Variants in TTC34 observed in about 807,000 individuals in gnomAD.
TTC34 encodes tetratricopeptide repeat protein 34.
Under a neutral mutation model 40.7 loss-of-function variants are expected in TTC34, and 44 were observed. The ratio of observed to expected loss-of-function variants is 1.08; its 90% confidence interval spans 0.85 to 1.39. The LOEUF is 1.39. Ranked by LOEUF, TTC34 falls within the 40% of genes most tolerant of loss-of-function variation. The probability of loss-of-function intolerance (pLI) is 0.00; values close to 1 mark genes in which losing one functional copy is unlikely to be tolerated. For missense variants in TTC34, 884 were observed against 838.0 expected (o/e 1.05, Z -0.68); for synonymous variants, 422 against 398.6 (o/e 1.06, Z -0.70).
At chr1:2,754,854 C>T (rs1183989886) in intron 6 of TTC34, among the ~76,000 whole-genome samples, 65 of 108,346 alleles carry the variant, frequency 6.0e-4, no homozygotes, top group Non-Finnish European at 7.4e-4. Context: ...GAACAGCACC[C>T]ACATGCCCAG....
chr1:2,687,295 G>A (rs1448770702), intron 6 of TTC34, among the ~76,000 whole-genome samples: 1 of 122,928 alleles, frequency 8.1e-6, no homozygotes, highest in South Asian at 2.7e-4. Context: ...CCACAGGTGA[G>A]CATCTGACAT....
In TTC34 at chr1:2,683,145, G is replaced by A. The variant is rs111350711; in HGVS notation, c.2227-37582C>T. Among the ~76,000 whole-genome samples the A allele has an allele frequency of 3.5e-4, 20 of 56,534 alleles. 1 individual carries two copies. The highest frequency in any genetic ancestry group is 6.5e-4 in the Admixed American group (4 of 6,162). The allele number at this position is 56,534 out of a possible 152,430, so 37.1% of individuals were successfully genotyped here. ...AGCATTTGACAGCCTGGAACAGCACGCACAGCCCCAGGAGAGCATCCGGCA... is the reference window on the plus strand; with the variant it reads ...AGCATTTGACAGCCTGGAACAGCACACACAGCCCCAGGAGAGCATCCGGCA... On this transcript the variant is annotated intron_variant, in intron 6 of 8. Transcript: ENST00000401095.
rs1195312824 is a variant in TTC34, at chr1:2,752,763, A to C, written c.2226+30846T>G. On this transcript the variant is annotated intron_variant, in intron 6 of 8. Coordinates refer to ENST00000401095, the Ensembl canonical transcript of TTC34. The stretch of plus-strand genomic sequence containing the variant: ...AGGACAGCATCTGACAGCGTGGAAC[A>C]GCACCCATACGCCCAGATAAGCATG... Among the ~76,000 whole-genome samples, 2 of 119,020 alleles carry C rather than the reference A, an allele frequency of 1.7e-5. 1 individual carries two copies. The highest frequency in any genetic ancestry group is 3.4e-5 in the Non-Finnish European group (2 of 58,228). 78.1% of individuals were successfully genotyped at this position (119,020 alleles called of 152,430 possible). A position where few individuals can be genotyped will look rare whatever the true frequency, so the allele number is the denominator to read the frequency against.
At chr1:2,683,490 A>T in intron 6 of TTC34, among the ~76,000 whole-genome samples, 2 of 149,962 alleles carry the variant, frequency 1.3e-5, no homozygotes, top group South Asian at 2.1e-4. Context: ...CGAGCATCTG[A>T]CAGCCTGGAA....
intron 4 of TTC34, 28 bp downstream of exon 4, chr1:2,787,453 C>T: frequency 1.4e-6 from 2 of 1,449,072 alleles, no homozygotes; most frequent in South Asian, 2.9e-5. Flanking sequence ...TTTCCACCTG[C>T]CCTCTGTCAC....
chr1:2,799,677 C>T (rs114392564), intron 2 of TTC34, among the ~76,000 whole-genome samples: 4,633 of 152,188 alleles, frequency 0.03, 222 homozygotes, highest in African/African-American at 0.11. Flanking sequence ...ATTCGTTTTC[C>T]CCTTCCCTCC....
intron 6 of TTC34, among the ~76,000 whole-genome samples, chr1:2,701,531 GC>G (rs1641131665): frequency 2.0e-5 from 1 of 49,718 alleles, no homozygotes; most frequent in Admixed American, 2.0e-4. Context: ...TCCTGGAGCT[GC>G]ACCCATACCC....
At position 2,651,031 on chromosome 1, in the gene TTC34, C is replaced by CG. The variant is rs777179257; in HGVS notation, c.2227-5469dup. ...AGCCTGAAACAGCACTCCACGCCTT[C>CG]GGGGGGGCATCTGACAGCCTAGAAC... On this transcript the variant is annotated intron_variant, in intron 6 of 8. Transcript: ENST00000401095. Among the ~76,000 whole-genome samples the CG allele has an allele frequency of 1.0e-3, 155 of 150,262 alleles. 1 individual carries two copies. The highest frequency in any genetic ancestry group is 3.5e-3 in the Middle Eastern group (1 of 284).
In TTC34 at chr1:2,755,720, G is replaced by A. The variant is rs1226858611; in HGVS notation, c.2226+27889C>T. Among the ~76,000 whole-genome samples the A allele has an allele frequency of 1.6e-4, 6 of 36,720 alleles. 1 individual carries two copies. Among genetic ancestry groups the A allele is most frequent in the Non-Finnish European group, 3.1e-4 (6 of 19,444 alleles). 24.1% of individuals were successfully genotyped at this position (36,720 alleles called of 152,430 possible). ...ACCCCAAACCCACAGGTGAGCATCCGACAGCCTGGAGCAGCACCCACACAC... is the reference window on the plus strand; with the variant it reads ...ACCCCAAACCCACAGGTGAGCATCCAACAGCCTGGAGCAGCACCCACACAC... On this transcript the variant is annotated intron_variant, in intron 6 of 8. Coordinates refer to ENST00000401095, the Ensembl canonical transcript of TTC34.
intron 2 of TTC34, among the ~76,000 whole-genome samples, chr1:2,794,237 G>A (rs1394019045): frequency 2.6e-5 from 4 of 152,266 alleles, no homozygotes; most frequent in Non-Finnish European, 4.4e-5. Flanking sequence ...AGACTTCTGA[G>A]CTCAAGGGTT....
chr1:2,759,396 ACC>A (rs1310721495), intron 6 of TTC34, among the ~76,000 whole-genome samples: 2 of 93,302 alleles, frequency 2.1e-5, no homozygotes, highest in Non-Finnish European at 2.0e-5. Flanking sequence ...CAGCACCCAC[ACC>A]CCCAGGTGGG....
rs1295691918 is a variant in TTC34, at chr1:2,751,498, C to G, written c.2226+32111G>C. On this transcript the variant is annotated intron_variant, in intron 6 of 8. Coordinates refer to ENST00000401095, the Ensembl canonical transcript of TTC34. ...AACTGCACCCCCATGCCCAGGTGAG[C>G]CTCTGACAGCCTTGAACAGCACCCT... Among the ~76,000 whole-genome samples the G allele has an allele frequency of 1.1e-4, 7 of 62,120 alleles. 3 individuals are homozygous for G. Among genetic ancestry groups the G allele is most frequent in the Non-Finnish European group, 2.1e-4 (7 of 33,754 alleles). 40.8% of individuals were successfully genotyped at this position (62,120 alleles called of 152,430 possible).
chr1:2,685,218 A>G (rs1640275412), intron 6 of TTC34, among the ~76,000 whole-genome samples: 7 of 128,064 alleles, frequency 5.5e-5, no homozygotes, highest in Admixed American at 8.1e-5. Context: ...AGCATCTGAC[A>G]TCGTGGAGCA....
At chr1:2,788,036 G>C (rs1256366674) in intron 3 of TTC34, among the ~76,000 whole-genome samples, 1 of 152,242 alleles carries the variant, frequency 6.6e-6, no homozygotes, top group Non-Finnish European at 1.5e-5. Context: ...TGGGCTCAGG[G>C]GTGTGCCTAT....
chr1:2,677,760 C>G (rs1296947008), intron 6 of TTC34, among the ~76,000 whole-genome samples: 4 of 148,190 alleles, frequency 2.7e-5, no homozygotes, highest in Non-Finnish European at 4.5e-5. Context: ...CAGCCTGGAA[C>G]AGCACCCACA....
rs1026816001 is a variant in TTC34, at chr1:2,775,670, C to G, written c.2226+7939G>C. 2.0e-5 allele frequency: 3 copies of G among 148,582 alleles called. 1 individual carries two copies. Among genetic ancestry groups the G allele is most frequent in the African/African-American group, 7.9e-5 (3 of 38,202 alleles). 9.2% of individuals were successfully genotyped at this position (148,582 alleles called of 1,614,324 possible). ...GACAGGATAAAACAGCACCCCACAA[C>G]CCCAGGTGATCATTTGCCAGCCAGG... On this transcript the variant is annotated intron_variant, in intron 6 of 8. Coordinates refer to ENST00000401095, the Ensembl canonical transcript of TTC34.
chr1:2,773,175 C>T, intron 6 of TTC34, among the ~76,000 whole-genome samples: 3 of 141,254 alleles, frequency 2.1e-5, no homozygotes, highest in African/African-American at 2.6e-5. Context: ...GCAGCGCCCA[C>T]ACCCCCAGGT....
At chr1:2,753,068 TCTG>T (rs1641378185) in intron 6 of TTC34, among the ~76,000 whole-genome samples, 1 of 148,350 alleles carries the variant, frequency 6.7e-6, no homozygotes, top group African/African-American at 2.5e-5. Flanking sequence ...CAGGTGAGCA[TCTG>T]ACAGCCTGGA....
chr1:2,752,989 C>G (rs1437888598), intron 6 of TTC34, among the ~76,000 whole-genome samples: 8 of 122,942 alleles, frequency 6.5e-5, no homozygotes, highest in Non-Finnish European at 1.2e-4. Context: ...AGGTGAGCAT[C>G]TGACCGCATG....
Sources: allele counts gnomAD v4.1 joint callset (sites outside exome capture counted in the v4.1 genomes callset), GRCh38; gene constraint gnomAD v4.1.1; transcripts MANE v1.5; gene names NCBI Gene and HGNC (gene_info 2026-07-23, HGNC 2026-07-21).